Variants in KAZN observed in about 807,000 individuals in gnomAD.
KAZN encodes the protein kazrin, periplakin interacting protein, also known as kazrin.
A neutral mutation model predicts 87.4 loss-of-function variants in KAZN; 40 were observed. That is an observed-to-expected ratio of 0.46 (90% CI 0.36 to 0.60). The LOEUF is 0.60. Among genes scored for constraint, KAZN ranks in the 20% least tolerant of loss-of-function variants. The pLI is 0.00. For synonymous variants in KAZN, 466 were observed against 458.3 expected (o/e 1.02, Z -0.22); for missense variants, 898 against 1,073.9 (o/e 0.84, Z 2.29).
intron 2 of KAZN, among the ~76,000 whole-genome samples, chr1:14,529,151 A>G (rs1276598779): frequency 1.3e-5 from 2 of 152,092 alleles, no homozygotes; most frequent in Non-Finnish European, 2.9e-5. Context: ...TAAAAATACA[A>G]AAATTAGCTG....
At chr1:14,875,005 T>C in intron 1 of KAZN, among the ~76,000 whole-genome samples, 1 of 152,046 alleles carries the variant, frequency 6.6e-6, no homozygotes, top group East Asian at 1.9e-4. Context: ...TTCCTCCATG[T>C]TAAAGCCAAA....
intron 2 of KAZN, among the ~76,000 whole-genome samples, chr1:14,986,796 G>A (rs72639813): frequency 0.034 from 5,229 of 152,260 alleles, 147 homozygotes; most frequent in Middle Eastern, 0.051. Context: ...CTTCCCTGAG[G>A]TTGACATGGG....
chr1:14,181,495 C>G (rs536393940), intron 2 of KAZN, among the ~76,000 whole-genome samples: 24 of 152,286 alleles, frequency 1.6e-4, no homozygotes, highest in African/African-American at 5.5e-4. Flanking sequence ...TAAAATCAAT[C>G]CCGAAGCCCG....
At chr1:14,661,625 C>T (rs1450517542) in intron 1 of KAZN, among the ~76,000 whole-genome samples, 1 of 144,770 alleles carries the variant, frequency 6.9e-6, no homozygotes, top group African/African-American at 2.6e-5. Flanking sequence ...CAGGCTCTAG[C>T]TCACACCTGT....
intron 1 of KAZN, among the ~76,000 whole-genome samples, chr1:14,945,372 C>T (rs1211316618): frequency 1.3e-5 from 2 of 152,178 alleles, no homozygotes; most frequent in African/African-American, 4.8e-5. Flanking sequence ...GCCGGAAGGG[C>T]CCTCCCCTCT....
intron 1 of KAZN, among the ~76,000 whole-genome samples, chr1:14,721,922 G>T (rs1409465059): frequency 6.6e-6 from 1 of 152,182 alleles, no homozygotes; most frequent in Admixed American, 6.5e-5. Context: ...GGGAGGCTGA[G>T]GCAAGTGAAT....
At chr1:14,843,902 G>C (rs975429411) in intron 1 of KAZN, among the ~76,000 whole-genome samples, 8 of 152,154 alleles carry the variant, frequency 5.3e-5, no homozygotes, top group African/African-American at 1.9e-4. Context: ...CAACTCACTC[G>C]ACTGGACAAA....
At chr1:14,558,996 C>T (rs185593934) in intron 2 of KAZN, among the ~76,000 whole-genome samples, 1 of 152,138 alleles carries the variant, frequency 6.6e-6, no homozygotes, top group Non-Finnish European at 1.5e-5. Context: ...TTTGATCTTG[C>T]CCATGGCCCC....
At chr1:14,394,782 G>A (rs1662754021) in intron 2 of KAZN, among the ~76,000 whole-genome samples, 1 of 152,340 alleles carries the variant, frequency 6.6e-6, no homozygotes, top group African/African-American at 2.4e-5. Context: ...GTTGAACGCA[G>A]TAAGAACTCT....
intron 1 of KAZN, among the ~76,000 whole-genome samples, chr1:14,715,192 C>T (rs138430582): frequency 1.1e-3 from 175 of 152,308 alleles, no homozygotes; most frequent in African/African-American, 3.8e-3. Flanking sequence ...TTGGCTGAGA[C>T]GCCCTGGCTA....
chr1:14,406,555 G>T (rs952461202), intron 2 of KAZN, among the ~76,000 whole-genome samples: 3 of 152,074 alleles, frequency 2.0e-5, no homozygotes, highest in Admixed American at 1.3e-4. Context: ...GGATGGGAGG[G>T]GGGTGAGGGA....
chr1:13,963,043 T>C (rs1282290961), intron 1 of KAZN, among the ~76,000 whole-genome samples: 1 of 152,124 alleles, frequency 6.6e-6, no homozygotes, highest in Non-Finnish European at 1.5e-5. Context: ...TTGTGTATCA[T>C]TATAGGAAGC....
In KAZN at chr1:15,074,573, C is replaced by G. The variant is rs72639880; in HGVS notation, c.1222+8820C>G. The stretch of plus-strand genomic sequence containing the variant: ...GAAAATGGGGCCCCTGGCTCCCCTT[C>G]TGGAAGTCTATAAGACAAGGCCAAG... On this transcript the variant is annotated intron_variant, in intron 8 of 14. Transcript: ENST00000376030. Among the ~76,000 whole-genome samples, 1,239 of 152,322 alleles carry G rather than the reference C, an allele frequency of 8.1e-3. 27 individuals are homozygous for G. Among genetic ancestry groups the G allele is most frequent in the East Asian group, 0.073 (377 of 5,180 alleles).
chr1:14,509,275 A>T (rs1239702957), intron 2 of KAZN, among the ~76,000 whole-genome samples: 1 of 152,228 alleles, frequency 6.6e-6, no homozygotes, highest in Non-Finnish European at 1.5e-5. Flanking sequence ...AATATGGTAG[A>T]AATGTGGTAT....
chr1:14,458,864 T>C (rs867731324), intron 2 of KAZN, among the ~76,000 whole-genome samples: 1 of 152,166 alleles, frequency 6.6e-6, no homozygotes, highest in Non-Finnish European at 1.5e-5. Context: ...ATTCAATAAA[T>C]ATTTGTTGAA....
intron 2 of KAZN, among the ~76,000 whole-genome samples, chr1:14,227,264 CA>C (rs1475221521): frequency 6.6e-6 from 1 of 152,086 alleles, no homozygotes; most frequent in Non-Finnish European, 1.5e-5. Context: ...GGCCTCAAAC[CA>C]TCATTTTATG....
intron 1 of KAZN, among the ~76,000 whole-genome samples, chr1:14,785,508 C>T (rs1645485071): frequency 6.6e-6 from 1 of 152,070 alleles, no homozygotes; most frequent in African/African-American, 2.4e-5. Flanking sequence ...ATTGCTACAC[C>T]TCCTCCGCGG....
intron 1 of KAZN, among the ~76,000 whole-genome samples, chr1:13,923,882 T>C (rs1640168004): frequency 6.6e-6 from 1 of 152,194 alleles, no homozygotes; most frequent in South Asian, 2.1e-4. Flanking sequence ...TGATGTATAG[T>C]TAAATCCTAG....
At chr1:15,047,479 G>T (rs558312359) in intron 4 of KAZN, among the ~76,000 whole-genome samples, 1 of 152,186 alleles carries the variant, frequency 6.6e-6, no homozygotes, top group African/African-American at 2.4e-5. Flanking sequence ...CAGAAGCCAC[G>T]GCAGCTGCAG....
Sources: gnomAD v4.1 joint callset for allele counts (sites outside exome capture counted in the v4.1 genomes callset) on GRCh38, gnomAD v4.1.1 for gene constraint, MANE v1.5 for transcripts, NCBI Gene and HGNC (gene_info 2026-07-23, HGNC 2026-07-21) for gene names.